TRIOBP: variants seen among roughly 807,000 people sequenced by gnomAD.
TRIOBP encodes TRIO and F-actin binding protein.
A neutral mutation model predicts 238.8 loss-of-function variants in TRIOBP; 169 were observed. The observed-to-expected ratio is 0.71, with a 90% CI of 0.62 to 0.80. The LOEUF is 0.80. Among genes scored for constraint, TRIOBP ranks in the 30% least tolerant of loss-of-function variants. TRIOBP has a pLI of 0.00. For missense variants in TRIOBP, 2,838 were observed against 3,122.6 expected, an observed-to-expected ratio of 0.91 and a Z score of 2.17; for synonymous variants, 1,150 against 1,274.4, an observed-to-expected ratio of 0.90 and a Z score of 2.08.
chr22:37,748,451 C>A (rs1317592245), intron 11 of TRIOBP, among the ~76,000 whole-genome samples: 1 of 152,214 alleles, frequency 6.6e-6, no homozygotes, highest in East Asian at 1.9e-4. Flanking sequence ...AGCCTTCCCC[C>A]TCGCCTGCTG....
intron 6 of TRIOBP, among the ~76,000 whole-genome samples, chr22:37,719,988 T>TCACACTGCACTCCCTGTTTCCCTCA (rs1555895416): frequency 3.2e-5 from 1 of 30,888 alleles, no homozygotes; most frequent in Non-Finnish European, 6.8e-5. Flanking sequence ...GTTTCACTCA[T>TCACACTGCACTCCCTGTTTCCCTCA]CCCCCCCCGC....
chr22:37,719,080 A>G (rs1923689987), intron 6 of TRIOBP, among the ~76,000 whole-genome samples: 1 of 150,118 alleles, frequency 6.7e-6, no homozygotes, highest in Admixed American at 6.7e-5. Context: ...GGACACGCCT[A>G]TAGTCCCAGT....
Position 37,751,828 on chromosome 22 carries a change from G to A in TRIOBP, c.5379G>A (p.Glu1793=), listed in dbSNP as rs1258989605. 1.2e-6 allele frequency: 2 copies of A among 1,613,818 alleles called. No homozygotes were observed. The highest frequency in any genetic ancestry group is 1.7e-4 in the Middle Eastern group (1 of 6,060). ...GWMSILDEPG[E]PPSPSLTTTS... The stretch of plus-strand genomic sequence containing the variant: ...TGTCGATCTTGGACGAGCCTGGAGA[G>A]GTAAGAGGACTGAGGCCGGAGGGGA... Residue 1793 remains glutamate, a splice_region_variant and synonymous_variant, in exon 12 of 24, where the codon GAG becomes GAA. Coordinates refer to ENST00000644935, the MANE Select transcript of TRIOBP (RefSeq NM_001039141.3).
At chr22:37,740,161 A>G (rs1465035038) in intron 10 of TRIOBP, among the ~76,000 whole-genome samples, 1 of 152,152 alleles carries the variant, frequency 6.6e-6, no homozygotes, top group East Asian at 1.9e-4. Context: ...CTGTGCTTTG[A>G]TGCTTCAAGT....
intron 14 of TRIOBP, 57 bp from the exon 15 acceptor site, chr22:37,755,493 G>A: frequency 6.8e-7 from 1 of 1,473,186 alleles, no homozygotes; most frequent in Non-Finnish European, 9.5e-7. Flanking sequence ...GGTCCATAGT[G>A]GGGAGGGAGT....
intron 17 of TRIOBP, among the ~76,000 whole-genome samples, chr22:37,763,815 C>A (rs1415519004): frequency 6.6e-6 from 1 of 152,206 alleles, no homozygotes; most frequent in South Asian, 2.1e-4. Flanking sequence ...TTACCTCACG[C>A]TTCTGTAGGC....
intron 3 of TRIOBP, among the ~76,000 whole-genome samples, chr22:37,710,049 T>C (rs1923154203): frequency 6.6e-6 from 1 of 152,250 alleles, no homozygotes; most frequent in African/African-American, 2.4e-5. Flanking sequence ...CGCACATACA[T>C]GCATGTATAC....
intron 3 of TRIOBP, among the ~76,000 whole-genome samples, chr22:37,701,702 C>T (rs1277781182): frequency 3.9e-5 from 6 of 152,218 alleles, no homozygotes; most frequent in Non-Finnish European, 5.9e-5. Context: ...TTACCATAGC[C>T]TTATCTAATC....
At chr22:37,737,427 T>G (rs1601641483) in intron 9 of TRIOBP, among the ~76,000 whole-genome samples, 1 of 151,892 alleles carries the variant, frequency 6.6e-6, no homozygotes, top group East Asian at 1.9e-4. Context: ...TTTGGGAGGC[T>G]GAGGCAGGCA....
chr22:37,767,109 T>A (rs748564174), intron 18 of TRIOBP, among the ~76,000 whole-genome samples: 17 of 150,228 alleles, frequency 1.1e-4, no homozygotes, highest in Non-Finnish European at 1.8e-4. Flanking sequence ...AAATTAGCCA[T>A]GCGCGGTGGC....
At chr22:37,742,116 C>A (rs1007385098) in intron 11 of TRIOBP, among the ~76,000 whole-genome samples, 1 of 151,946 alleles carries the variant, frequency 6.6e-6, no homozygotes, top group Non-Finnish European at 1.5e-5. Context: ...CGCCACTGCA[C>A]CCGGCTAATT....
rs527996515 is a variant in TRIOBP at position 37,757,690 on chromosome 22, G to T, written c.5765G>T (p.Arg1922Leu). 6.3e-7 allele frequency: 1 copy of T among 1,585,456 alleles called. No homozygotes were observed. The highest frequency in any genetic ancestry group is 8.6e-7 in the Non-Finnish European group (1 of 1,167,164). Residue 1922 changes from arginine (R) to leucine (L), a missense_variant, in exon 16 of 24, where the codon CGG (arginine) becomes CTG (leucine). By Grantham distance (102) the Arg-to-Leu change is moderately radical (BLOSUM62 -2). Around this residue, in one of 5 missense-constraint regions of TRIOBP, gnomAD observed 2,096 missense variants for 2,137.4 expected, o/e 0.98. Coordinates refer to ENST00000644935, the MANE Select transcript of TRIOBP (RefSeq NM_001039141.3). ...QKGPLKAGEQ[R>L]AGSEVISRGG... is the part of the protein sequence containing the mutation. ...GGCCCCCTGAAGGCAGGGGAGCAGC[G>T]GGCGGGCTCTGAGGTCATCAGCCGG...
At chr22:37,757,556 T>C in intron 15 of TRIOBP, 57 bp from the exon 16 acceptor site, 2 of 1,540,526 alleles carry the variant, frequency 1.3e-6, no homozygotes, top group South Asian at 1.2e-5. Context: ...CCAAAAGTGC[T>C]CATTGTGGGA....
rs557762140 is a variant in TRIOBP, at chr22:37,772,487, G to A, written c.6937-114G>A. 3.2e-4 allele frequency: 473 copies of A among 1,470,458 alleles called. 5 individuals carry two copies. In the South Asian group the frequency reaches 5.2e-3, roughly 16 times the overall value. 91.1% of individuals were successfully genotyped at this position (1,470,458 alleles called of 1,614,324 possible). A position where few individuals can be genotyped will look rare whatever the true frequency, so the allele number is the denominator to read the frequency against. ...CGGCCATCTTGGGGAGCCACCTGGAGGGATGAAGCGAGGTATCTGCGGGGA... is the reference window on the plus strand; with the variant it reads ...CGGCCATCTTGGGGAGCCACCTGGAAGGATGAAGCGAGGTATCTGCGGGGA... On this transcript the variant is annotated intron_variant, in intron 22 of 23. Transcript: ENST00000644935.
intron 11 of TRIOBP, among the ~76,000 whole-genome samples, chr22:37,743,690 A>G (rs1053646873): frequency 6.6e-6 from 1 of 152,166 alleles, no homozygotes; most frequent in African/African-American, 2.4e-5. Context: ...CTGGGCCAGC[A>G]GTTCCTAAGT....
chr22:37,734,997 G>C lies in TRIOBP; in HGVS notation c.4661G>C (p.Arg1554Pro). Reference protein sequence around the residue: ...ACPYPRGSERRPELDWRDLLG... With the variant: ...ACPYPRGSERPPELDWRDLLG... Reference sequence around the variant, plus strand: ...CCATACCCGCGTGGCTCTGAGAGGCGACCCGAGCTTGACTGGAGGGATCTG... The same window carrying C: ...CCATACCCGCGTGGCTCTGAGAGGCCACCCGAGCTTGACTGGAGGGATCTG... The change falls in exon 9 of 24, where the codon CGA becomes CCA. Residue 1554 changes from arginine to proline, a missense_variant. Physicochemically the swap from Arg to Pro is moderately radical, Grantham distance 103. This residue lies in a region of TRIOBP where 2,096 missense variants were observed against 2,137.4 expected (regional missense o/e 0.98). Coordinates refer to ENST00000644935, the MANE Select transcript of TRIOBP (RefSeq NM_001039141.3). 6.2e-7 allele frequency: 1 copy of C among 1,613,258 alleles called. No individual in the cohort carries two copies. Among genetic ancestry groups the C allele is most frequent in the Non-Finnish European group, 8.5e-7 (1 of 1,179,798 alleles).
At chr22:37,717,212 C>G (rs965304082) in intron 6 of TRIOBP, among the ~76,000 whole-genome samples, 1 of 152,152 alleles carries the variant, frequency 6.6e-6, no homozygotes, top group Non-Finnish European at 1.5e-5. Context: ...TCTTTCCTCC[C>G]TGTGGGTTCA....
At chr22:37,743,801 ATGTGTGTGTGTG>A (rs71195050) in intron 11 of TRIOBP, among the ~76,000 whole-genome samples, 3,006 of 114,162 alleles carry the variant, frequency 0.026, 86 homozygotes, top group African/African-American at 0.075. Context: ...GAGAGAGAGA[ATGTGTGTGTGTG>A]TGTGTGTGTG....
In TRIOBP at chr22:37,734,973, C is replaced by T. The variant is rs145254872; in HGVS notation, c.4637C>T (p.Pro1546Leu). Residue 1546 changes from proline to leucine, a missense_variant, in exon 9 of 24, where the codon CCA becomes CTA. Pro to Leu is a moderately conservative substitution (Grantham distance 98, BLOSUM62 -3). Transcript: ENST00000644935. ...GGCTGGGGGGCAGAGGGAGCGTGTC[C>T]ATACCCGCGTGGCTCTGAGAGGCGA... ...AVGWGAEGACPYPRGSERRPE... is the reference protein window; with the variant it reads ...AVGWGAEGACLYPRGSERRPE... 1 of 1,613,492 alleles carries T rather than the reference C, an allele frequency of 6.2e-7. No homozygotes were observed. Among genetic ancestry groups the T allele is most frequent in the African/African-American group, 1.3e-5 (1 of 75,048 alleles).
Sources: gnomAD v4.1 joint callset for allele counts (sites outside exome capture counted in the v4.1 genomes callset) on GRCh38, gnomAD v4.1.1 for gene constraint, gnomAD v4.1.1 regional missense constraint, MANE v1.5 for transcripts, NCBI Gene and HGNC (gene_info 2026-07-23, HGNC 2026-07-21) for gene names.